WDR47: variants seen among roughly 807,000 people sequenced by gnomAD.
WDR47 encodes the protein WD repeat-containing protein 47.
In WDR47, 32 loss-of-function variants were observed where a neutral mutation model predicts 97.2. That is an observed-to-expected ratio of 0.33 (90% CI 0.25 to 0.44). The LOEUF is 0.44. WDR47 is among the 20% of genes least tolerant of loss of function. The pLI, the probability that WDR47 is intolerant of heterozygous loss-of-function variation, is 1.00. For synonymous variants in WDR47, 375 were observed against 373.5 expected (o/e 1.00, Z -0.05); for missense variants, 782 against 1,102.3 (o/e 0.71, Z 4.11).
intron 1 of WDR47, among the ~76,000 whole-genome samples, chr1:109,036,546 A>C (rs1467944291): frequency 1.4e-5 from 2 of 139,346 alleles, no homozygotes; most frequent in Admixed American, 7.2e-5. Context: ...AAAAAAAAAA[A>C]AAAACATAGT....
intron 13 of WDR47, among the ~76,000 whole-genome samples, chr1:108,977,406 G>T (rs556915499): frequency 6.6e-6 from 1 of 151,488 alleles, no homozygotes; most frequent in Admixed American, 6.6e-5. Flanking sequence ...CACCCACCTC[G>T]GCCTCCCAAA....
At chr1:109,030,101 A>T in intron 1 of WDR47, 3 of 982,902 alleles carry the variant, frequency 3.1e-6, no homozygotes, top group Non-Finnish European at 4.4e-6. Flanking sequence ...ATCCCTCCCC[A>T]GAAGAAGAGA....
rs910872447 is a variant in WDR47 at position 109,025,214 on chromosome 1, G to C, written c.-9-1693C>G. Among the ~76,000 whole-genome samples, 25 of 152,070 alleles carry C rather than the reference G, an allele frequency of 1.6e-4. No individual in the cohort carries two copies. In the South Asian group the frequency reaches 2.3e-3, roughly 14 times the overall value. On this transcript the variant is annotated intron_variant, in intron 1 of 14. Coordinates refer to ENST00000369962, the MANE Select transcript of WDR47 (RefSeq NM_001142551.2). ...GCACTTTGAGAGGTCGAGGTGGGAGGATCACATGAGCCCAGGAGTGCGAGA... is the reference window on the plus strand; with the variant it reads ...GCACTTTGAGAGGTCGAGGTGGGAGCATCACATGAGCCCAGGAGTGCGAGA...
chr1:108,976,408 C>G (rs1027901996), intron 13 of WDR47, among the ~76,000 whole-genome samples: 1 of 150,328 alleles, frequency 6.7e-6, no homozygotes, highest in African/African-American at 2.4e-5. Flanking sequence ...GGAAGAATAA[C>G]TGATTTAGAG....
At chr1:109,020,170 A>G (rs990488030) in intron 2 of WDR47, among the ~76,000 whole-genome samples, 2 of 152,150 alleles carry the variant, frequency 1.3e-5, no homozygotes, top group Non-Finnish European at 2.9e-5. Context: ...GTGCATTTCA[A>G]TATTTAAAAT....
In WDR47 at chr1:108,971,139, C is replaced by T. The variant is rs1006542547; in HGVS notation, c.*291G>A. 9.4e-6 allele frequency: 3 copies of T among 319,980 alleles called. No homozygotes were observed. Among genetic ancestry groups the T allele is most frequent in the Admixed American group, 4.5e-5 (1 of 22,114 alleles). The allele number at this position is 319,980 out of a possible 1,614,324, so 19.8% of individuals were successfully genotyped here. ...TGCATTGAATACTAAACCGTAAACA[C>T]ATTGTCCATCCTGACTTGGAGTGCA... On this transcript the variant is annotated 3_prime_UTR_variant, in exon 15 of 15. Coordinates refer to ENST00000369962, the MANE Select transcript of WDR47 (RefSeq NM_001142551.2).
At chr1:109,036,456 CAGG>C (rs1662948829) in intron 1 of WDR47, among the ~76,000 whole-genome samples, 1 of 146,318 alleles carries the variant, frequency 6.8e-6, no homozygotes, top group Non-Finnish European at 1.5e-5. Context: ...CCTGTAGTCC[CAGG>C]AGGAGGTGAA....
intron 13 of WDR47, among the ~76,000 whole-genome samples, chr1:108,977,854 C>T (rs748012835): frequency 7.2e-5 from 11 of 151,890 alleles, no homozygotes; most frequent in Non-Finnish European, 1.3e-4. Flanking sequence ...CGTGGTGGCA[C>T]GCACCTGTAG....
chr1:108,995,651 T>G lies in WDR47; in HGVS notation c.1620A>C (p.Thr540=). 6.2e-7 allele frequency: 1 copy of G among 1,614,124 alleles called. No homozygotes were observed. Among genetic ancestry groups the G allele is most frequent in the Non-Finnish European group, 8.5e-7 (1 of 1,180,002 alleles). The change falls in exon 8 of 15, where the codon ACA becomes ACC. Residue 540 remains threonine (T), a synonymous_variant. Coordinates refer to ENST00000369962, the MANE Select transcript of WDR47 (RefSeq NM_001142551.2). Reference sequence around the variant, plus strand: ...TTGATCCAGGATTACGAGGAGTGCTTGTATGAATATTTGAAGCATCATGTG... The same window carrying G: ...TTGATCCAGGATTACGAGGAGTGCTGGTATGAATATTTGAAGCATCATGTG... ...RLTHDASNIH[T]STPRNPGSTN...
intron 9 of WDR47, among the ~76,000 whole-genome samples, chr1:108,991,034 T>C (rs561499780): frequency 5.9e-5 from 9 of 151,964 alleles, no homozygotes; most frequent in African/African-American, 1.9e-4. Flanking sequence ...GGTCTCACTC[T>C]GTTGCCCAGG....
intron 1 of WDR47, chr1:109,024,954 C>T (rs1389393843): frequency 1.3e-5 from 2 of 152,092 alleles, no homozygotes; most frequent in Non-Finnish European, 2.9e-5. Flanking sequence ...TATGATCACA[C>T]CACTGCACAC....
At chr1:108,979,744 TAG>T (rs1571139818) in intron 13 of WDR47, among the ~76,000 whole-genome samples, 1 of 152,222 alleles carries the variant, frequency 6.6e-6, no homozygotes, top group Admixed American at 6.5e-5. Flanking sequence ...ATCTTTTCAA[TAG>T]AGTTATATCA....
chr1:108,984,167 G>A (rs1411776196), intron 10 of WDR47, among the ~76,000 whole-genome samples: 2 of 152,202 alleles, frequency 1.3e-5, no homozygotes, highest in East Asian at 1.9e-4. Flanking sequence ...GTGAGGCACT[G>A]CAGGCTCAGC....
Position 108,983,372 on chromosome 1 carries a change from A to G in WDR47, c.2005T>C (p.Trp669Arg). The G allele has an allele frequency of 6.2e-7, 1 of 1,613,314 alleles. No individual in the cohort carries two copies. Among genetic ancestry groups the G allele is most frequent in the Non-Finnish European group, 8.5e-7 (1 of 1,179,608 alleles). ...GCTAATAACTGCCCACAAGGACTCC[A>G]GGCCACACAGTAAATGGATCCTTTA... ...HHKGSIYCVA[W>R]SPCGQLLATG... Residue 669 changes from tryptophan to arginine, a missense_variant, in exon 11 of 15, where the codon TGG becomes CGG. Around this residue, in one of 3 missense-constraint regions of WDR47, gnomAD observed 228 missense variants for 396.7 expected, o/e 0.57. Coordinates refer to ENST00000369962, the MANE Select transcript of WDR47 (RefSeq NM_001142551.2).
At position 109,019,783 on chromosome 1, in the gene WDR47, T is replaced by C. The variant is rs377283531; in HGVS notation, c.159-2182A>G. Among the ~76,000 whole-genome samples, 6 of 152,206 alleles carry C rather than the reference T, an allele frequency of 3.9e-5. No homozygotes were observed. The East Asian group carries it at 5.8e-4, about 15-fold the overall frequency. ...GGAATAAGAACAAGTTTCATCCTACTTTAAATGGTCTATGGGAATATCCAA... is the reference window on the plus strand; with the variant it reads ...GGAATAAGAACAAGTTTCATCCTACCTTAAATGGTCTATGGGAATATCCAA... On this transcript the variant is annotated intron_variant, in intron 2 of 14. Transcript: ENST00000369962.
At chr1:109,013,535 T>C (rs751661006) in intron 4 of WDR47, among the ~76,000 whole-genome samples, 3 of 151,866 alleles carry the variant, frequency 2.0e-5, no homozygotes, top group Admixed American at 6.6e-5. Context: ...TTCCGGGATT[T>C]AAAAAAAAGA....
intron 14 of WDR47, among the ~76,000 whole-genome samples, chr1:108,973,731 A>T (rs1054229134): frequency 2.6e-5 from 4 of 151,956 alleles, no homozygotes; most frequent in East Asian, 3.9e-4. Flanking sequence ...AAAAATTTTT[A>T]AAATGTGCCA....
rs1002075497 is a variant in WDR47, at chr1:109,004,444, G to GGA, written c.1254+146_1254+147dup. On this transcript the variant is annotated intron_variant, in intron 6 of 14. Transcript: ENST00000369962. ...AATAGCCACATATTCGTTGAAGAGA[G>GGA]GAGAGAAAATAAGCTAATAATAAGA... is the stretch of plus-strand genomic sequence containing the variant. The GGA allele has an allele frequency of 4.0e-6, 4 of 992,400 alleles. No individual in the cohort carries two copies. In the African/African-American group the frequency reaches 6.7e-5, roughly 17 times the overall value. The allele number at this position is 992,400 out of a possible 1,614,324, so 61.5% of individuals were successfully genotyped here.
intron 6 of WDR47, among the ~76,000 whole-genome samples, chr1:109,004,278 C>A (rs999469202): frequency 1.0e-3 from 153 of 149,434 alleles, no homozygotes; most frequent in Non-Finnish European, 1.9e-3. Context: ...AAAAAAAAAA[C>A]AAACGTAAAC....
Sources: gnomAD v4.1 joint callset for allele counts (sites outside exome capture counted in the v4.1 genomes callset) on GRCh38, gnomAD v4.1.1 for gene constraint, gnomAD v4.1.1 regional missense constraint, MANE v1.5 for transcripts, NCBI Gene and HGNC (gene_info 2026-07-23, HGNC 2026-07-21) for gene names.